The following SCAF8 variants were observed in gnomAD, a reference collection of about 807,000 sequenced individuals.
SCAF8 encodes the protein SR-related and CTD-associated factor 8.
In SCAF8, 23 loss-of-function variants were observed where a neutral mutation model predicts 140.5. The observed-to-expected ratio is 0.16, with a 90% CI of 0.12 to 0.23. SCAF8 has a LOEUF of 0.23. Ranked by LOEUF, SCAF8 falls within the 10% of genes least tolerant of loss-of-function variation. SCAF8 has a pLI of 1.00. For missense variants in SCAF8, 1,397 were observed against 1,555.7 expected, an observed-to-expected ratio of 0.90 and a Z score of 1.72; for synonymous variants, 575 against 528.9, an observed-to-expected ratio of 1.09 and a Z score of -1.20.
At chr6:154,755,637 C>T (rs1203465299) in intron 1 of SCAF8, among the ~76,000 whole-genome samples, 1 of 152,172 alleles carries the variant, frequency 6.6e-6, no homozygotes, top group Non-Finnish European at 1.5e-5. Flanking sequence ...TTCAGCTGTA[C>T]AGGTTCCTGA....
chr6:154,747,670 C>T (rs1455420630), intron 1 of SCAF8, among the ~76,000 whole-genome samples: 1 of 152,182 alleles, frequency 6.6e-6, no homozygotes, highest in East Asian at 1.9e-4. Context: ...GAATTATAAT[C>T]GAGCAGAACA....
intron 18 of SCAF8, among the ~76,000 whole-genome samples, chr6:154,827,460 A>G: frequency 6.6e-6 from 1 of 152,162 alleles, no homozygotes; most frequent in South Asian, 2.1e-4. Context: ...CAAAATTCAG[A>G]GAAGGTCCTC....
intron 3 of SCAF8, among the ~76,000 whole-genome samples, chr6:154,784,120 G>GAT (rs72135986): frequency 0.019 from 2,064 of 106,322 alleles, 25 homozygotes; most frequent in Non-Finnish European, 0.026. Flanking sequence ...GGTGTCTTGA[G>GAT]ATATATATAT....
chr6:154,801,195 T>TA (rs1332671088), intron 6 of SCAF8, among the ~76,000 whole-genome samples: 1 of 151,730 alleles, frequency 6.6e-6, no homozygotes, highest in Admixed American at 6.6e-5. Context: ...TTCCTAGTGT[T>TA]ACTGTTTTAA....
At chr6:154,831,704 A>AG (rs1778741411) in intron 19 of SCAF8, among the ~76,000 whole-genome samples, 1 of 4,874 alleles carries the variant, frequency 2.1e-4, no homozygotes, top group East Asian at 3.9e-3. Flanking sequence ...TCCTGTTCTT[A>AG]AAAAAAAAAA....
intron 1 of SCAF8, among the ~76,000 whole-genome samples, chr6:154,758,507 C>CGT (rs2114819843): frequency 6.6e-6 from 1 of 152,236 alleles, no homozygotes; most frequent in Non-Finnish European, 1.5e-5. Flanking sequence ...TTCATGCAGG[C>CGT]GTAATTCTAG....
At chr6:154,770,506 G>C (rs1023639048) in intron 1 of SCAF8, among the ~76,000 whole-genome samples, 4 of 151,886 alleles carry the variant, frequency 2.6e-5, no homozygotes, top group Non-Finnish European at 4.4e-5. Flanking sequence ...GGGAGGTCAA[G>C]GCTGCAGTGA....
intron 1 of SCAF8, among the ~76,000 whole-genome samples, chr6:154,739,175 G>T (rs1778504050): frequency 6.6e-6 from 1 of 152,066 alleles, no homozygotes; most frequent in Non-Finnish European, 1.5e-5. Context: ...TTGTAGGGAA[G>T]GGTGGGGGGT....
intron 3 of SCAF8, among the ~76,000 whole-genome samples, chr6:154,782,196 A>G (rs1777105675): frequency 6.6e-6 from 1 of 152,206 alleles, no homozygotes; most frequent in Admixed American, 6.5e-5. Flanking sequence ...GGCTGGGCTC[A>G]GGCATTTGAG....
At chr6:154,807,468 C>A (rs926975585) in intron 9 of SCAF8, among the ~76,000 whole-genome samples, 1 of 151,780 alleles carries the variant, frequency 6.6e-6, no homozygotes, top group African/African-American at 2.4e-5. Flanking sequence ...GCTACCTCCG[C>A]CTCTCAGGTT....
At chr6:154,807,964 G>A (rs1562456726) in intron 9 of SCAF8, 106 bp from the exon 10 acceptor site, 2 of 959,354 alleles carry the variant, frequency 2.1e-6, no homozygotes, top group East Asian at 2.6e-5. Context: ...TTTTATGTAT[G>A]GCTCATGTTT....
rs756842534 is a variant in SCAF8, at chr6:154,831,917, TTC to T, written c.2360-12_2360-11del. ...ACTTTTGACTGTTATTTTGAGTTTT[TTC>T]TCTCTCTCTTTTTTTTTAGTGATTC... is the stretch of plus-strand genomic sequence containing the variant. On this transcript the variant is annotated intron_variant, in intron 19 of 19. Transcript: ENST00000367178. The T allele has an allele frequency of 5.1e-6, 8 of 1,558,054 alleles. No individual in the cohort carries two copies. Among genetic ancestry groups the T allele is most frequent in the Admixed American group, 4.1e-5 (2 of 48,836 alleles).
At chr6:154,796,280 T>A (rs184898832) in intron 6 of SCAF8, among the ~76,000 whole-genome samples, 1 of 152,068 alleles carries the variant, frequency 6.6e-6, no homozygotes, top group African/African-American at 2.4e-5. Flanking sequence ...GATTAAAAAT[T>A]TTATTAGTGA....
At position 154,800,744 on chromosome 6, in the gene SCAF8, G is replaced by A. The variant is rs995091630; in HGVS notation, c.607-1227G>A. The stretch of plus-strand genomic sequence containing the variant: ...AGACTTAAAAATATTTTAAAAAACC[G>A]ATGTGTACTCTTAGGTTGAATCTAT... On this transcript the variant is annotated intron_variant, in intron 6 of 19. Transcript: ENST00000367178. Among the ~76,000 whole-genome samples, 5 of 151,392 alleles carry A rather than the reference G, an allele frequency of 3.3e-5. 1 individual carries two copies. The highest frequency in any genetic ancestry group is 7.4e-5 in the Non-Finnish European group (5 of 67,764).
intron 4 of SCAF8, among the ~76,000 whole-genome samples, chr6:154,792,558 A>C (rs987780645): frequency 2.0e-5 from 3 of 152,214 alleles, no homozygotes; most frequent in African/African-American, 7.2e-5. Context: ...AAGTGACATA[A>C]GAGAGGAAGC....
chr6:154,802,070 C>G lies in SCAF8; in HGVS notation c.706C>G (p.Leu236Val), dbSNP rs1440123247. ...DAGLVVQLQA[L>V]TAQLTAAAAA... Reference sequence around the variant, plus strand: ...TGGTCTTGTTGTTCAGTTGCAAGCTCTTACGGCACAACTTACAGCTGCAGC... The same window carrying G: ...TGGTCTTGTTGTTCAGTTGCAAGCTGTTACGGCACAACTTACAGCTGCAGC... Residue 236 changes from leucine to valine, a missense_variant, in exon 7 of 20, where the codon CTT (leucine) becomes GTT (valine). Transcript: ENST00000367178. 1 of 1,613,570 alleles carries G rather than the reference C, an allele frequency of 6.2e-7. No individual in the cohort carries two copies. Among genetic ancestry groups the G allele is most frequent in the Non-Finnish European group, 8.5e-7 (1 of 1,179,656 alleles).
chr6:154,767,989 T>A (rs1254645271), intron 1 of SCAF8, among the ~76,000 whole-genome samples: 1 of 152,178 alleles, frequency 6.6e-6, no homozygotes, highest in African/African-American at 2.4e-5. Context: ...CTAATCATAT[T>A]AGAGTCTGTA....
At chr6:154,815,105 G>A (rs1200081202) in intron 12 of SCAF8, among the ~76,000 whole-genome samples, 1 of 152,092 alleles carries the variant, frequency 6.6e-6, no homozygotes, top group African/African-American at 2.4e-5. Context: ...AGACCATCCT[G>A]GCTAACATGG....
chr6:154,736,265 CT>C (rs71021071), intron 1 of SCAF8, among the ~76,000 whole-genome samples: 1,032 of 78,410 alleles, frequency 0.013, 18 homozygotes, highest in African/African-American at 0.056. Flanking sequence ...CCATCCAAGA[CT>C]TTTTTTTTTT....
Sources: gnomAD v4.1 joint callset for allele counts (sites outside exome capture counted in the v4.1 genomes callset) on GRCh38, gnomAD v4.1.1 for gene constraint, MANE v1.5 for transcripts, NCBI Gene and HGNC (gene_info 2026-07-23, HGNC 2026-07-21) for gene names.